The following USP5 variants were observed in gnomAD, a reference collection of about 807,000 sequenced individuals.
USP5 encodes the protein ubiquitin specific peptidase 5.
USP5 carries 24 observed loss-of-function variants against 102.5 expected under a neutral mutation model. The ratio of observed to expected loss-of-function variants is 0.23; its 90% confidence interval spans 0.17 to 0.33. The LOEUF is 0.33. Among genes scored for constraint, USP5 ranks in the 10% least tolerant of loss-of-function variants. The pLI, the probability that USP5 is intolerant of heterozygous loss-of-function variation, is 1.00. For synonymous variants in USP5, 460 were observed against 434.8 expected, an observed-to-expected ratio of 1.06 and a Z score of -0.72; for missense variants, 753 against 1,122.1, an observed-to-expected ratio of 0.67 and a Z score of 4.70.
chr12:6,856,131 C>T lies in USP5; in HGVS notation c.419C>T (p.Pro140Leu). The change falls in exon 4 of 20, where the codon CCT becomes CTT. Residue 140 changes from proline (P) to leucine (L), a missense_variant. Physicochemically the swap from Pro to Leu is moderately conservative, Grantham distance 98. Coordinates refer to ENST00000229268, the MANE Select transcript of USP5 (RefSeq NM_001098536.2). The surrounding 1 kb of genome is among the most constrained non-coding windows in gnomAD (Gnocchi z 5.6). ...GCCCGGGATGGACTGGGGGGACTGC[C>T]TGACATTGTCAGAGATCGGGTATGA... ...EIARDGLGGL[P>L]DIVRDRVTSA... is the part of the protein sequence containing the mutation. The T allele has an allele frequency of 6.2e-7, 1 of 1,614,124 alleles. No homozygotes were observed.
Position 6,858,297 on chromosome 12 carries a change from T to A in USP5, c.865-127T>A. On this transcript the variant is annotated intron_variant, in intron 7 of 19. Transcript: ENST00000229268. The surrounding 1 kb of genome is among the most constrained non-coding windows in gnomAD (Gnocchi z 4.2). ...TGGACGATACTCAACATACCTCCCA[T>A]GTTTGAGCCTGTAATTCCACAAATT... 2.1e-6 allele frequency: 2 copies of A among 940,580 alleles called. No individual in the cohort carries two copies. The highest frequency in any genetic ancestry group is 3.1e-6 in the Non-Finnish European group (2 of 638,062). The allele number at this position is 940,580 out of a possible 1,614,324, so 58.3% of individuals were successfully genotyped here.
intron 14 of USP5, 32 bp downstream of exon 14, chr12:6,862,590 G>A: frequency 1.9e-6 from 3 of 1,591,814 alleles, no homozygotes; most frequent in Non-Finnish European, 2.6e-6. Context: ...AGGTTACACA[G>A]AAAATGCTAG....
intron 13 of USP5, among the ~76,000 whole-genome samples, 172 bp from the exon 14 acceptor site, chr12:6,862,298 C>T (rs978359835): frequency 2.0e-5 from 3 of 152,074 alleles, no homozygotes; most frequent in African/African-American, 7.2e-5. Flanking sequence ...CTCTACTGCT[C>T]CTCGTTGGCC....
rs782801188 is a variant in USP5 at position 6,858,388 on chromosome 12, T to C, written c.865-36T>C. 44 of 1,583,618 alleles carry C rather than the reference T, an allele frequency of 2.8e-5. No individual in the cohort carries two copies. The highest frequency in any genetic ancestry group is 3.6e-5 in the Non-Finnish European group (41 of 1,154,910). On this transcript the variant is annotated intron_variant, in intron 7 of 19. Transcript: ENST00000229268. This position sits in a 1 kb window ranked among gnomAD's most constrained non-coding sequence, Gnocchi z 4.2. ...TCGAGGTAAAAACTACAGGGTTGAG[T>C]TTCTCACTCAGTCTGAAGTGCCCCT...
In USP5 at chr12:6,856,193, G is replaced by A; in HGVS notation, c.438+43G>A. On this transcript the variant is annotated intron_variant, in intron 4 of 19. Coordinates refer to ENST00000229268, the MANE Select transcript of USP5 (RefSeq NM_001098536.2). This position sits in a 1 kb window ranked among gnomAD's most constrained non-coding sequence, Gnocchi z 5.6. Reference sequence around the variant, plus strand: ...GCTACCCAAGATTCTAGAGCAAGATGGGCCAGGGTAGTGGTGTCTTAGGCA... The same window carrying A: ...GCTACCCAAGATTCTAGAGCAAGATAGGCCAGGGTAGTGGTGTCTTAGGCA... 6.2e-7 allele frequency: 1 copy of A among 1,612,832 alleles called. No homozygotes were observed. The highest frequency in any genetic ancestry group is 1.3e-5 in the African/African-American group (1 of 74,970).
Position 6,856,091 on chromosome 12 carries a change from G to T in USP5, c.379G>T (p.Asp127Tyr). 1 of 1,614,202 alleles carries T rather than the reference G, an allele frequency of 6.2e-7. No homozygotes were observed. The highest frequency in any genetic ancestry group is 8.5e-7 in the Non-Finnish European group (1 of 1,180,042). Residue 127 changes from aspartate (D) to tyrosine (Y), a missense_variant, in exon 4 of 20, where the codon GAT (aspartate) becomes TAT (tyrosine). Physicochemically the swap from Asp to Tyr is radical, Grantham distance 160. This residue lies in a region of USP5 where 527 missense variants were observed against 816.5 expected (regional missense o/e 0.65). Transcript: ENST00000229268. The surrounding 1 kb of genome is among the most constrained non-coding windows in gnomAD (Gnocchi z 5.6). ...GGATGTGAAGATTGTCATTTTGCCA[G>T]ATTACCTGGAGATTGCCCGGGATGG... is the stretch of plus-strand genomic sequence containing the variant. ...DEDVKIVILPDYLEIARDGLG... is the reference protein window; with the variant it reads ...DEDVKIVILPYYLEIARDGLG...
rs1944096987 is a variant in USP5, at chr12:6,855,939, A to G, written c.305-78A>G. 6.2e-7 allele frequency: 1 copy of G among 1,606,110 alleles called. No homozygotes were observed. The highest frequency in any genetic ancestry group is 8.5e-7 in the Non-Finnish European group (1 of 1,174,028). ...TGGCCCTAGAACTCTGGATGGGGCA[A>G]GTGAGGTGCTGGCTCGGAGGAGGGA... On this transcript the variant is annotated intron_variant, in intron 3 of 19. Coordinates refer to ENST00000229268, the MANE Select transcript of USP5 (RefSeq NM_001098536.2). This position sits in a 1 kb window ranked among gnomAD's most constrained non-coding sequence, Gnocchi z 4.6.
intron 1 of USP5, among the ~76,000 whole-genome samples, chr12:6,853,941 T>C (rs1335962839): frequency 6.6e-6 from 1 of 152,222 alleles, no homozygotes; most frequent in African/African-American, 2.4e-5. Flanking sequence ...AGCAGAGAAA[T>C]GTTCAAGGCC....
rs1944247300 is a variant in USP5 at position 6,860,481 on chromosome 12, A to G, written c.1334A>G (p.Asn445Ser). ...DAQEFFLHLI[N>S]MVERNCRSSE... ...CAGGAGTTCTTCCTTCACCTTATCA[A>G]CATGGTGGAGGTAAGGGCTGGCAAG... The change falls in exon 11 of 20, where the codon AAC becomes AGC. Residue 445 changes from asparagine (N) to serine (S), a missense_variant. Physicochemically the swap from Asn to Ser is conservative, Grantham distance 46. Around this residue, in one of 3 missense-constraint regions of USP5, gnomAD observed 527 missense variants for 816.5 expected, o/e 0.65. Coordinates refer to ENST00000229268, the MANE Select transcript of USP5 (RefSeq NM_001098536.2). The surrounding 1 kb of genome is among the most constrained non-coding windows in gnomAD (Gnocchi z 5.5). 1 of 1,613,906 alleles carries G rather than the reference A, an allele frequency of 6.2e-7. No individual in the cohort carries two copies. The highest frequency in any genetic ancestry group is 2.2e-5 in the East Asian group (1 of 44,886).
Position 6,860,145 on chromosome 12 carries a change from A to T in USP5, c.1131-6A>T. ...AAGTGAAATGTTTTCTTGGATATTAATGCAGGGCCAAGCTGGGCCATGGCC... is the reference window on the plus strand; with the variant it reads ...AAGTGAAATGTTTTCTTGGATATTATTGCAGGGCCAAGCTGGGCCATGGCC... On this transcript the variant is annotated splice_polypyrimidine_tract_variant and splice_region_variant and intron_variant, in intron 9 of 19. Transcript: ENST00000229268. This position sits in a 1 kb window ranked among gnomAD's most constrained non-coding sequence, Gnocchi z 5.5. 1 of 1,608,270 alleles carries T rather than the reference A, an allele frequency of 6.2e-7. No homozygotes were observed. Among genetic ancestry groups the T allele is most frequent in the South Asian group, 1.1e-5 (1 of 90,122 alleles).
chr12:6,853,926 A>G (rs1555127633), intron 1 of USP5, among the ~76,000 whole-genome samples: 2 of 152,238 alleles, frequency 1.3e-5, no homozygotes, highest in Non-Finnish European at 2.9e-5. Context: ...TATTTTTCAT[A>G]TCACAGCAGA....
Position 6,856,997 on chromosome 12 carries a change from G to A in USP5, c.769+106G>A. On this transcript the variant is annotated intron_variant, in intron 6 of 19. Coordinates refer to ENST00000229268, the MANE Select transcript of USP5 (RefSeq NM_001098536.2). The surrounding 1 kb of genome is among the most constrained non-coding windows in gnomAD (Gnocchi z 5.6). ...ATGAATGCATTATCTTGATAAGAAA[G>A]GAAAGTAGTCAGGTGCGGTGGCTCA... The A allele has an allele frequency of 7.1e-7, 1 of 1,407,164 alleles. No homozygotes were observed. Among genetic ancestry groups the A allele is most frequent in the South Asian group, 1.4e-5 (1 of 71,226 alleles). 87.2% of individuals were successfully genotyped at this position (1,407,164 alleles called of 1,614,324 possible). A position where few individuals can be genotyped will look rare whatever the true frequency, so the allele number is the denominator to read the frequency against.
chr12:6,857,358 T>C (rs1036428844), intron 6 of USP5: 32 of 423,044 alleles, frequency 7.6e-5, no homozygotes, highest in Non-Finnish European at 1.2e-4. Context: ...CTCATCCCTT[T>C]CCTACCAAGC....
Position 6,860,339 on chromosome 12 carries a change from C to T in USP5, c.1219-27C>T. 1 of 1,614,168 alleles carries T rather than the reference C, an allele frequency of 6.2e-7. No individual in the cohort carries two copies. The highest frequency in any genetic ancestry group is 8.5e-7 in the Non-Finnish European group (1 of 1,180,012). On this transcript the variant is annotated intron_variant, in intron 10 of 19. Coordinates refer to ENST00000229268, the MANE Select transcript of USP5 (RefSeq NM_001098536.2). This position sits in a 1 kb window ranked among gnomAD's most constrained non-coding sequence, Gnocchi z 5.5. ...CCCCTGGATGGCCACTGAGCCCCAG[C>T]TGAGTCCCTGCCCTGACTCTTCCCA... is the stretch of plus-strand genomic sequence containing the variant.
Position 6,855,635 on chromosome 12 carries a change from A to G in USP5, c.237+109A>G, listed in dbSNP as rs1944087078. 6.3e-7 allele frequency: 1 copy of G among 1,587,804 alleles called. No individual in the cohort carries two copies. ...TACTTTTGTGTCATTAAAGCTTGGC[A>G]CAGATGTTTTTTAGCTTTATTCCGT... On this transcript the variant is annotated intron_variant, in intron 2 of 19. Coordinates refer to ENST00000229268, the MANE Select transcript of USP5 (RefSeq NM_001098536.2). This position sits in a 1 kb window ranked among gnomAD's most constrained non-coding sequence, Gnocchi z 4.6.
In USP5 at chr12:6,857,693, C is replaced by T; in HGVS notation, c.834C>T (p.His278=). 1 of 1,614,172 alleles carries T rather than the reference C, an allele frequency of 6.2e-7. No individual in the cohort carries two copies. The highest frequency in any genetic ancestry group is 8.5e-7 in the Non-Finnish European group (1 of 1,180,036). ...LDPSLAEHLS[H]FGIDMLKMQK... The stretch of plus-strand genomic sequence containing the variant: ...CCAGCCTGGCTGAGCACCTGTCCCA[C>T]TTCGGCATCGACATGCTGAAGATGC... The change falls in exon 7 of 20, where the codon CAC becomes CAT. Residue 278 remains histidine (H), a synonymous_variant. Transcript: ENST00000229268.
In USP5 at chr12:6,855,836, A is replaced by C; in HGVS notation, c.304+15A>C. Reference sequence around the variant, plus strand: ...GCTGGCTATTGGTGAGCACCGCTGCAGTCCTATTCTTCTCCCTGAGCTGGT... The same window carrying C: ...GCTGGCTATTGGTGAGCACCGCTGCCGTCCTATTCTTCTCCCTGAGCTGGT... On this transcript the variant is annotated intron_variant, in intron 3 of 19. Coordinates refer to ENST00000229268, the MANE Select transcript of USP5 (RefSeq NM_001098536.2). The surrounding 1 kb of genome is among the most constrained non-coding windows in gnomAD (Gnocchi z 4.6). 1.9e-6 allele frequency: 3 copies of C among 1,614,188 alleles called. No individual in the cohort carries two copies. The highest frequency in any genetic ancestry group is 2.5e-6 in the Non-Finnish European group (3 of 1,179,996).
In USP5 at chr12:6,863,631, A is replaced by G. The variant is rs1944339477; in HGVS notation, c.1955-199A>G. ...GTAGGGTGGGGGTATCATGCTCCAG[A>G]AACAGGGCCCATTCTGTGAGAATGG... On this transcript the variant is annotated intron_variant, in intron 15 of 19. Transcript: ENST00000229268. The surrounding 1 kb of genome is among the most constrained non-coding windows in gnomAD (Gnocchi z 4.7). 6.6e-6 allele frequency among the ~76,000 whole-genome samples: 1 copy of G among 152,088 alleles called. No individual in the cohort carries two copies. The highest frequency in any genetic ancestry group is 1.5e-5 in the Non-Finnish European group (1 of 67,990).
Position 6,863,038 on chromosome 12 carries a change from C to A in USP5, c.1763-148C>A. The A allele has an allele frequency of 1.4e-6, 1 of 725,094 alleles. No homozygotes were observed. The highest frequency in any genetic ancestry group is 2.2e-6 in the Non-Finnish European group (1 of 458,352). The allele number at this position is 725,094 out of a possible 1,614,324, so 44.9% of individuals were successfully genotyped here. On this transcript the variant is annotated intron_variant, in intron 14 of 19. Coordinates refer to ENST00000229268, the MANE Select transcript of USP5 (RefSeq NM_001098536.2). The surrounding 1 kb of genome is among the most constrained non-coding windows in gnomAD (Gnocchi z 4.7). ...AACTCCCAGGCTTAGTATTATTTGT[C>A]TTATACTGGGACCCCTAAGATGGGT...
Sources: allele counts gnomAD v4.1 joint callset (sites outside exome capture counted in the v4.1 genomes callset), GRCh38; gene constraint gnomAD v4.1.1; regional missense constraint gnomAD v4.1.1; non-coding constraint Gnocchi (gnomAD v3.1); transcripts MANE v1.5; gene names NCBI Gene and HGNC (gene_info 2026-07-23, HGNC 2026-07-21).